UBE2E2: variants seen among roughly 807,000 people sequenced by gnomAD.
The protein encoded by UBE2E2 is ubiquitin conjugating enzyme E2 E2.
A neutral mutation model predicts 24.7 loss-of-function variants in UBE2E2; 6 were observed. The ratio of observed to expected loss-of-function variants is 0.24; its 90% CI spans 0.13 to 0.48. UBE2E2 has a LOEUF of 0.48. Ranked by LOEUF, UBE2E2 falls within the 20% of genes least tolerant of loss-of-function variation. The pLI, the probability that UBE2E2 is intolerant of heterozygous loss-of-function variation, is 0.99. For synonymous variants in UBE2E2, 104 were observed against 83.6 expected (o/e 1.24, Z -1.33); for missense variants, 169 against 245.0 (o/e 0.69, Z 2.07).
intron 5 of UBE2E2, among the ~76,000 whole-genome samples, chr3:23,580,065 G>A (rs1696441085): frequency 6.6e-6 from 1 of 152,198 alleles, no homozygotes; most frequent in Non-Finnish European, 1.5e-5. Context: ...CTTATTATGG[G>A]TGAGCAAAGA....
chr3:23,359,845 G>C (rs1696063869), intron 3 of UBE2E2, among the ~76,000 whole-genome samples: 1 of 152,108 alleles, frequency 6.6e-6, no homozygotes, highest in South Asian at 2.1e-4. Context: ...AATGAAATAT[G>C]AACTAGCTTT....
At chr3:23,454,007 A>G (rs1236469377) in intron 3 of UBE2E2, among the ~76,000 whole-genome samples, 3 of 152,222 alleles carry the variant, frequency 2.0e-5, no homozygotes, top group African/African-American at 7.2e-5. Flanking sequence ...GGGAGGCAGC[A>G]TTCTGAGATA....
chr3:23,216,046 G>A (rs1024465563), intron 2 of UBE2E2, among the ~76,000 whole-genome samples: 3 of 152,112 alleles, frequency 2.0e-5, no homozygotes, highest in Admixed American at 2.0e-4. Flanking sequence ...TTTACAGGAC[G>A]GAAAACTGAG....
chr3:23,535,823 G>T (rs1005074520), intron 5 of UBE2E2, among the ~76,000 whole-genome samples: 1 of 151,904 alleles, frequency 6.6e-6, no homozygotes, highest in East Asian at 1.9e-4. Flanking sequence ...AGGCTTCACC[G>T]TGTTAGCCAG....
intron 5 of UBE2E2, among the ~76,000 whole-genome samples, chr3:23,561,136 C>T (rs1310480757): frequency 6.6e-6 from 1 of 152,130 alleles, no homozygotes; most frequent in Non-Finnish European, 1.5e-5. Context: ...GACATGAAGT[C>T]CTTGACCCCC....
chr3:23,396,422 A>G (rs1034361918), intron 3 of UBE2E2, among the ~76,000 whole-genome samples: 1 of 150,986 alleles, frequency 6.6e-6, no homozygotes, highest in African/African-American at 2.4e-5. Context: ...GTGTACATAC[A>G]CTGTATACGT....
chr3:23,340,375 TTTC>T lies in UBE2E2; in HGVS notation c.227+123069_227+123071del, dbSNP rs56840449. Among the ~76,000 whole-genome samples, 825 of 152,272 alleles carry T rather than the reference TTTC, an allele frequency of 5.4e-3. 9 individuals are homozygous for T. Among genetic ancestry groups the T allele is most frequent in the African/African-American group, 0.018 (746 of 41,570 alleles). ...TTGCATCTACTATGCACTATATTTT[TTTC>T]TTCTTGTGAAGCAAGTGCCTGTCAT... is the stretch of plus-strand genomic sequence containing the variant. On this transcript the variant is annotated intron_variant, in intron 3 of 5. Transcript: ENST00000396703.
intron 3 of UBE2E2, among the ~76,000 whole-genome samples, chr3:23,411,690 G>A (rs190640332): frequency 6.6e-6 from 1 of 152,212 alleles, no homozygotes; most frequent in African/African-American, 2.4e-5. Flanking sequence ...TTGTCTACTG[G>A]ATAGCAATAT....
intron 2 of UBE2E2, among the ~76,000 whole-genome samples, chr3:23,214,906 T>G (rs2125320553): frequency 6.6e-6 from 1 of 152,226 alleles, no homozygotes; most frequent in East Asian, 1.9e-4. Flanking sequence ...GTTGGTTTTC[T>G]GTACAACTCT....
intron 3 of UBE2E2, among the ~76,000 whole-genome samples, chr3:23,323,971 G>T (rs544530991): frequency 1.9e-4 from 29 of 152,274 alleles, no homozygotes; most frequent in Non-Finnish European, 3.2e-4. Context: ...ATGGAGCTCA[G>T]TAAATGTTTT....
At chr3:23,238,588 G>A (rs1697178002) in intron 3 of UBE2E2, among the ~76,000 whole-genome samples, 1 of 152,164 alleles carries the variant, frequency 6.6e-6, no homozygotes, top group Non-Finnish European at 1.5e-5. Context: ...ATAAAGTACA[G>A]GTTGAGTATC....
chr3:23,459,843 C>G (rs1354262893), intron 3 of UBE2E2, among the ~76,000 whole-genome samples: 1 of 152,096 alleles, frequency 6.6e-6, no homozygotes, highest in East Asian at 1.9e-4. Flanking sequence ...AGCATACTTT[C>G]TGTGTAATGA....
intron 3 of UBE2E2, among the ~76,000 whole-genome samples, chr3:23,431,651 C>T (rs1466526523): frequency 6.6e-6 from 1 of 152,118 alleles, no homozygotes; most frequent in Non-Finnish European, 1.5e-5. Flanking sequence ...CTGACATCTT[C>T]AGATCTCCTC....
chr3:23,576,630 T>C (rs1696353394), intron 5 of UBE2E2, among the ~76,000 whole-genome samples: 1 of 152,154 alleles, frequency 6.6e-6, no homozygotes, highest in South Asian at 2.1e-4. Flanking sequence ...ATGGCTGTTG[T>C]TGTGTGTATA....
chr3:23,414,856 C>T (rs947529990), intron 3 of UBE2E2, among the ~76,000 whole-genome samples: 4 of 152,196 alleles, frequency 2.6e-5, no homozygotes, highest in Non-Finnish European at 5.9e-5. Context: ...GGCCTCACCA[C>T]ATACAGAATC....
At chr3:23,441,694 A>G (rs903438670) in intron 3 of UBE2E2, among the ~76,000 whole-genome samples, 4 of 152,162 alleles carry the variant, frequency 2.6e-5, no homozygotes, top group African/African-American at 9.7e-5. Context: ...GGTAGCATTG[A>G]TTCTGTCTCA....
chr3:23,558,402 T>C (rs932860089), intron 5 of UBE2E2, among the ~76,000 whole-genome samples: 11 of 152,182 alleles, frequency 7.2e-5, no homozygotes, highest in African/African-American at 2.7e-4. Flanking sequence ...AGACATATCT[T>C]TATGTAGTTA....
At chr3:23,326,429 T>C (rs1348821165) in intron 3 of UBE2E2, among the ~76,000 whole-genome samples, 1 of 152,214 alleles carries the variant, frequency 6.6e-6, no homozygotes, top group African/African-American at 2.4e-5. Flanking sequence ...TTCAAGATTT[T>C]TCAAAACATT....
chr3:23,470,939 A>G (rs966192630), intron 3 of UBE2E2, among the ~76,000 whole-genome samples: 1 of 152,164 alleles, frequency 6.6e-6, no homozygotes, highest in African/African-American at 2.4e-5. Flanking sequence ...TGACCCCTGG[A>G]CAGTTATGTT....
Sources: allele counts gnomAD v4.1 joint callset (sites outside exome capture counted in the v4.1 genomes callset), GRCh38; gene constraint gnomAD v4.1.1; transcripts MANE v1.5; gene names NCBI Gene and HGNC (gene_info 2026-07-23, HGNC 2026-07-21).